CELF2: variants seen among roughly 807,000 people sequenced by gnomAD.
CELF2 encodes CUGBP Elav-like family member 2, also known as CUG triplet repeat RNA-binding protein 2.
In CELF2, 8 loss-of-function variants were observed where a neutral mutation model predicts 62.6. The observed-to-expected ratio is 0.13, with a 90% confidence interval of 0.07 to 0.23. CELF2 has a LOEUF of 0.23. Ranked by LOEUF, CELF2 falls within the 10% of genes least tolerant of loss-of-function variation. CELF2 has a pLI of 1.00. For synonymous variants in CELF2, 258 were observed against 250.0 expected (o/e 1.03, Z -0.30); for missense variants, 333 against 671.0 (o/e 0.50, Z 5.56).
chr10:10,681,557 C>G, the CELF2 span, among the ~76,000 whole-genome samples: 1 of 152,104 alleles, frequency 6.6e-6, no homozygotes, highest in African/African-American at 2.4e-5. Context: ...TTTATTGGTC[C>G]CCAGTGAAAT....
intron 1 of CELF2, among the ~76,000 whole-genome samples, chr10:11,158,057 G>A (rs1025900075): frequency 6.6e-6 from 1 of 152,196 alleles, no homozygotes; most frequent in Non-Finnish European, 1.5e-5. Flanking sequence ...GGCCCCTGTT[G>A]AGTTTCCCCC....
At chr10:11,225,200 T>G (rs746486241) in intron 3 of CELF2, among the ~76,000 whole-genome samples, 1 of 152,134 alleles carries the variant, frequency 6.6e-6, no homozygotes, top group African/African-American at 2.4e-5. Flanking sequence ...CAGTAAACGG[T>G]GCGTGTGGAG....
At chr10:10,471,065 T>C in the CELF2 span, among the ~76,000 whole-genome samples, 5 of 151,818 alleles carry the variant, frequency 3.3e-5, no homozygotes, top group African/African-American at 1.2e-4. Context: ...CTTAGGGCCA[T>C]TCTAGATGTT....
rs2065695793 is a variant in CELF2, at chr10:11,224,007, T to C, written c.354+6500T>C. ...TCAGTAATGTTGATGGGCAGTTATTTACGTACGGCTTTGATTAAAATAAAA... is the reference window on the plus strand; with the variant it reads ...TCAGTAATGTTGATGGGCAGTTATTCACGTACGGCTTTGATTAAAATAAAA... On this transcript the variant is annotated intron_variant, in intron 3 of 12. Coordinates refer to ENST00000633077, the MANE Select transcript of CELF2 (RefSeq NM_001326342.2). This position sits in a 1 kb window ranked among gnomAD's most constrained non-coding sequence, Gnocchi z 4.5. Among the ~76,000 whole-genome samples the C allele has an allele frequency of 6.6e-6, 1 of 152,230 alleles. No homozygotes were observed. The highest frequency in any genetic ancestry group is 6.5e-5 in the Admixed American group (1 of 15,290).
intron 5 of CELF2, among the ~76,000 whole-genome samples, chr10:11,264,757 A>C (rs2081673677): frequency 6.6e-6 from 1 of 152,184 alleles, no homozygotes; most frequent in Admixed American, 6.5e-5. Context: ...AAGGCCACTA[A>C]ATTGCTGTTA....
intron 1 of CELF2, among the ~76,000 whole-genome samples, chr10:10,803,913 A>G (rs753419629): frequency 2.6e-5 from 4 of 152,312 alleles, no homozygotes; most frequent in Non-Finnish European, 5.9e-5. Flanking sequence ...TGTATATGTC[A>G]TTCACATCCC....
rs992570667 is a variant in CELF2, at chr10:11,214,578, G to A, written c.272-2847G>A. ...GGAGATGGGATCCCCTCTTGGAATC[G>A]GCACAAAGGCTCCAGGCTTCCCTGC... On this transcript the variant is annotated intron_variant, in intron 2 of 12. Coordinates refer to ENST00000633077, the MANE Select transcript of CELF2 (RefSeq NM_001326342.2). The surrounding 1 kb of genome is among the most constrained non-coding windows in gnomAD (Gnocchi z 4.2). Among the ~76,000 whole-genome samples the A allele has an allele frequency of 4.6e-5, 7 of 152,186 alleles. No individual in the cohort carries two copies. Among genetic ancestry groups the A allele is most frequent in the East Asian group, 1.9e-4 (1 of 5,196 alleles).
chr10:11,161,490 A>G lies in CELF2; in HGVS notation c.75-3996A>G, dbSNP rs575922148. Among the ~76,000 whole-genome samples, 6 of 152,320 alleles carry G rather than the reference A, an allele frequency of 3.9e-5. No individual in the cohort carries two copies. In the East Asian group the frequency reaches 9.6e-4, roughly 24 times the overall value. ...TTGACCTTCACCTCTCACTGCATTC[A>G]CATTCTCTAGGCACCTTTTGTGTGA... is the stretch of plus-strand genomic sequence containing the variant. On this transcript the variant is annotated intron_variant, in intron 1 of 12. Coordinates refer to ENST00000633077, the MANE Select transcript of CELF2 (RefSeq NM_001326342.2).
rs1219919432 is a variant in CELF2, at chr10:11,260,217, T to C, written c.538+2345T>C. Among the ~76,000 whole-genome samples the C allele has an allele frequency of 6.6e-6, 1 of 152,196 alleles. No individual in the cohort carries two copies. The highest frequency in any genetic ancestry group is 1.5e-5 in the Non-Finnish European group (1 of 68,020). On this transcript the variant is annotated intron_variant, in intron 5 of 12. Transcript: ENST00000633077. The surrounding 1 kb of genome is among the most constrained non-coding windows in gnomAD (Gnocchi z 4.2). ...GTCATTCACGGCTGGTGTGCTAGCT[T>C]TTCGTCTGAGCATACCCTCTGCATG...
rs2053294361 is a variant in CELF2, at chr10:10,990,401, G to C, written c.89+70402G>C. On this transcript the variant is annotated intron_variant, in intron 2 of 13. Transcript: ENST00000636488. The surrounding 1 kb of genome is among the most constrained non-coding windows in gnomAD (Gnocchi z 4.6). Reference sequence around the variant, plus strand: ...AAACAATTTTGTATCTAGTGAGATTGAGGTGTAGATAATTTTTCTTCTTTA... The same window carrying C: ...AAACAATTTTGTATCTAGTGAGATTCAGGTGTAGATAATTTTTCTTCTTTA... Among the ~76,000 whole-genome samples the C allele has an allele frequency of 6.6e-6, 1 of 152,050 alleles. No individual in the cohort carries two copies. Among genetic ancestry groups the C allele is most frequent in the Admixed American group, 6.6e-5 (1 of 15,254 alleles).
intron 1 of CELF2, among the ~76,000 whole-genome samples, chr10:11,144,088 A>C (rs1183538895): frequency 6.6e-6 from 1 of 152,114 alleles, no homozygotes; most frequent in African/African-American, 2.4e-5. Context: ...CTGGTTGGTT[A>C]ATATGGACAT....
At chr10:10,521,935 G>A in the CELF2 span, among the ~76,000 whole-genome samples, 5 of 152,110 alleles carry the variant, frequency 3.3e-5, no homozygotes, top group South Asian at 2.1e-4. Flanking sequence ...TAATGAGGAC[G>A]GAATGAATGG....
Position 10,936,416 on chromosome 10 carries a change from G to A in CELF2, c.89+16417G>A, listed in dbSNP as rs1436077935. On this transcript the variant is annotated intron_variant, in intron 2 of 13. Transcript: ENST00000636488. This position sits in a 1 kb window ranked among gnomAD's most constrained non-coding sequence, Gnocchi z 4.0. The stretch of plus-strand genomic sequence containing the variant: ...GAATCCTAGAACCTTAGAGCTCCAT[G>A]GAACCTGTTTTGCATCGTCTCCTTG... Among the ~76,000 whole-genome samples the A allele has an allele frequency of 6.6e-6, 1 of 152,130 alleles. No homozygotes were observed. Among genetic ancestry groups the A allele is most frequent in the Non-Finnish European group, 1.5e-5 (1 of 68,028 alleles).
the CELF2 span, among the ~76,000 whole-genome samples, chr10:10,748,310 C>A: frequency 6.6e-6 from 1 of 152,100 alleles, no homozygotes; most frequent in South Asian, 2.1e-4. Flanking sequence ...GTTGCACGGT[C>A]TATGCGTGGA....
the CELF2 span, among the ~76,000 whole-genome samples, chr10:10,772,919 C>T: frequency 1.3e-5 from 2 of 152,062 alleles, no homozygotes; most frequent in African/African-American, 4.8e-5. Context: ...AGCTCTAGGC[C>T]AGAGAAATGT....
intron 2 of CELF2, among the ~76,000 whole-genome samples, chr10:10,967,917 A>G (rs552971716): frequency 1.4e-5 from 2 of 141,274 alleles, no homozygotes; most frequent in Admixed American, 1.3e-4. Context: ...TATTAAGGTA[A>G]GCACACACAC....
Position 10,990,224 on chromosome 10 carries a change from C to T in CELF2, c.89+70225C>T, listed in dbSNP as rs976299249. Among the ~76,000 whole-genome samples, 7 of 151,918 alleles carry T rather than the reference C, an allele frequency of 4.6e-5. No individual in the cohort carries two copies. In the South Asian group the frequency reaches 1.5e-3, roughly 32 times the overall value. On this transcript the variant is annotated intron_variant, in intron 2 of 13. Coordinates refer to the CELF2 transcript ENST00000636488. The surrounding 1 kb of genome is among the most constrained non-coding windows in gnomAD (Gnocchi z 4.6). ...TTTGTAAAATGAAATAATATATAAT[C>T]CTTGGAAAATATTTTCAACGTCATT...
chr10:10,562,395 G>C, the CELF2 span, among the ~76,000 whole-genome samples: 1 of 152,202 alleles, frequency 6.6e-6, no homozygotes, highest in Non-Finnish European at 1.5e-5. Context: ...CATTTACTAT[G>C]ATGTCTAAGA....
chr10:10,806,061 T>C (rs2131609260), intron 1 of CELF2, among the ~76,000 whole-genome samples: 1 of 152,302 alleles, frequency 6.6e-6, no homozygotes, highest in African/African-American at 2.4e-5. Context: ...CATCTTTAGA[T>C]GGTGAAGTGA....
Sources: gnomAD v4.1 joint callset for allele counts (sites outside exome capture counted in the v4.1 genomes callset) on GRCh38, gnomAD v4.1.1 for gene constraint, Gnocchi (gnomAD v3.1) non-coding constraint, MANE v1.5 for transcripts, NCBI Gene and HGNC (gene_info 2026-07-23, HGNC 2026-07-21) for gene names.